The following RUBCNL variants were observed in gnomAD, a reference collection of about 807,000 sequenced individuals.
RUBCNL encodes the protein rubicon like autophagy enhancer.
RUBCNL carries 62 observed loss-of-function variants against 69.5 expected under a neutral mutation model. That is an observed-to-expected ratio of 0.89 (90% CI 0.73 to 1.10). The LOEUF is 1.10. RUBCNL is among the 50% of genes least tolerant of loss of function. The pLI, the probability that RUBCNL is intolerant of heterozygous loss-of-function variation, is 0.00. For missense variants in RUBCNL, 768 were observed against 798.1 expected (o/e 0.96, Z 0.45); for synonymous variants, 291 against 303.6 (o/e 0.96, Z 0.43).
At chr13:46,363,037 T>C (rs949401269) in intron 6 of RUBCNL, 78 bp downstream of exon 6, 4 of 633,280 alleles carry the variant, frequency 6.3e-6, no homozygotes, top group Non-Finnish European at 1.0e-5. Context: ...TAATGTTGTG[T>C]GTGATGCATG....
At position 46,355,702 on chromosome 13, in the gene RUBCNL, C is replaced by G. The variant is rs556528308; in HGVS notation, c.1330+730G>C. 2.0e-5 allele frequency among the ~76,000 whole-genome samples: 3 copies of G among 152,286 alleles called. No individual in the cohort carries two copies. In the South Asian group the frequency reaches 6.2e-4, roughly 32 times the overall value. ...TTGGCTAGCTCCTTGTTAAGCCATTCCTTTACTCAACAAATATCTTTTGAA... is the reference window on the plus strand; with the variant it reads ...TTGGCTAGCTCCTTGTTAAGCCATTGCTTTACTCAACAAATATCTTTTGAA... On this transcript the variant is annotated intron_variant, in intron 10 of 14. Coordinates refer to ENST00000429979, the MANE Select transcript of RUBCNL (RefSeq NM_025113.5).
intron 1 of RUBCNL, among the ~76,000 whole-genome samples, chr13:46,384,052 C>T (rs2049180364): frequency 6.6e-6 from 1 of 152,198 alleles, no homozygotes; most frequent in South Asian, 2.1e-4. Flanking sequence ...ATGACATTGA[C>T]ATGTCTACCT....
chr13:46,372,048 T>C lies in RUBCNL; in HGVS notation c.428A>G (p.His143Arg), dbSNP rs1317843342. 2 of 1,612,626 alleles carry C rather than the reference T, an allele frequency of 1.2e-6. No individual in the cohort carries two copies. Among genetic ancestry groups the C allele is most frequent in the Non-Finnish European group, 1.7e-6 (2 of 1,178,852 alleles). The change falls in exon 3 of 15, where the codon CAT (histidine) becomes CGT (arginine). Residue 143 changes from histidine (H) to arginine (R), a missense_variant. His to Arg is a conservative substitution (Grantham distance 29). Coordinates refer to ENST00000429979, the MANE Select transcript of RUBCNL (RefSeq NM_025113.5). ...EVHMVRPGYS[H>R]RVSLPTSPGI... Reference sequence around the variant, plus strand: ...AGGGCTTGTGGGCAGAGACACCCGATGAGAGTATCCTGGGCGGACCATGTG... The same window carrying C: ...AGGGCTTGTGGGCAGAGACACCCGACGAGAGTATCCTGGGCGGACCATGTG...
rs918827639 is a variant in RUBCNL, at chr13:46,335,819, C to T, written c.*7566G>A. On this transcript the variant is annotated 3_prime_UTR_variant, in exon 15 of 15. Coordinates refer to ENST00000429979, the MANE Select transcript of RUBCNL (RefSeq NM_025113.5). The stretch of plus-strand genomic sequence containing the variant: ...ACTGGGTCTATGGTGGTGCCATTTT[C>T]TGAGATGGAAAAGCCTGTAAAGAAA... Among the ~76,000 whole-genome samples, 1 of 152,180 alleles carries T rather than the reference C, an allele frequency of 6.6e-6. No homozygotes were observed. The highest frequency in any genetic ancestry group is 1.5e-5 in the Non-Finnish European group (1 of 68,030).
chr13:46,350,305 G>T lies in RUBCNL; in HGVS notation c.1377C>A (p.Phe459Leu). The T allele has an allele frequency of 6.4e-7, 1 of 1,573,158 alleles. No individual in the cohort carries two copies. The highest frequency in any genetic ancestry group is 8.6e-7 in the Non-Finnish European group (1 of 1,158,104). Residue 459 changes from phenylalanine (F) to leucine (L), a missense_variant, in exon 11 of 15, where the codon TTC (phenylalanine) becomes TTA (leucine). Phe to Leu is a conservative substitution (Grantham distance 22, BLOSUM62 0). Coordinates refer to ENST00000429979, the MANE Select transcript of RUBCNL (RefSeq NM_025113.5). ...LRYCEYLGKY[F>L]CDCCHSYAES... ...CTGCATATGAGTGGCAGCAGTCACA[G>T]AAATACTTCCCTAGGTATTCGCAGT...
At chr13:46,385,761 A>G (rs965180198) in intron 1 of RUBCNL, among the ~76,000 whole-genome samples, 4 of 152,154 alleles carry the variant, frequency 2.6e-5, no homozygotes, top group African/African-American at 7.2e-5. Context: ...AACTCAGCCA[A>G]CAATGTTTTT....
intron 2 of RUBCNL, among the ~76,000 whole-genome samples, chr13:46,377,051 CTT>C (rs2138827401): frequency 6.6e-6 from 1 of 152,238 alleles, no homozygotes; most frequent in East Asian, 1.9e-4. Flanking sequence ...GTTCCTTTCT[CTT>C]ACTAGTTCCA....
chr13:46,387,331 T>C (rs980887139), upstream of RUBCNL: 17 of 985,414 alleles, frequency 1.7e-5, no homozygotes, highest in East Asian at 1.7e-3. Context: ...GGGGCCACCG[T>C]AGCTCTCTAG....
chr13:46,367,329 C>T (rs969215093), intron 5 of RUBCNL, among the ~76,000 whole-genome samples: 2 of 152,120 alleles, frequency 1.3e-5, no homozygotes, highest in African/African-American at 2.4e-5. Context: ...CCTAGCACAG[C>T]ACAGGCCCAT....
intron 1 of RUBCNL, among the ~76,000 whole-genome samples, chr13:46,383,064 C>T (rs566121021): frequency 2.4e-4 from 37 of 152,240 alleles, no homozygotes; most frequent in African/African-American, 7.7e-4. Context: ...TGCCAGTGGG[C>T]AACATGGATG....
At chr13:46,369,901 T>C (rs2048840969) in intron 3 of RUBCNL, among the ~76,000 whole-genome samples, 1 of 152,244 alleles carries the variant, frequency 6.6e-6, no homozygotes, top group African/African-American at 2.4e-5. Flanking sequence ...TTTGGACTTC[T>C]TAGCTTCAGA....
At position 46,338,961 on chromosome 13, in the gene RUBCNL, C is replaced by A. The variant is rs1052374763; in HGVS notation, c.*4424G>T. On this transcript the variant is annotated 3_prime_UTR_variant, in exon 15 of 15. Transcript: ENST00000429979. ...ACTAGGGAAGCTGAGGCAGGAAAAT[C>A]GCTTGAACCGGGAAGCAGAGGCTGC... 6.6e-6 allele frequency among the ~76,000 whole-genome samples: 1 copy of A among 151,522 alleles called. No homozygotes were observed. Among genetic ancestry groups the A allele is most frequent in the South Asian group, 2.1e-4 (1 of 4,810 alleles).
In RUBCNL at chr13:46,340,002, G is replaced by C. The variant is rs1238988321; in HGVS notation, c.*3383C>G. Among the ~76,000 whole-genome samples the C allele has an allele frequency of 6.6e-6, 1 of 151,928 alleles. No homozygotes were observed. Among genetic ancestry groups the C allele is most frequent in the Admixed American group, 6.6e-5 (1 of 15,264 alleles). On this transcript the variant is annotated 3_prime_UTR_variant, in exon 15 of 15. Coordinates refer to ENST00000429979, the MANE Select transcript of RUBCNL (RefSeq NM_025113.5). ...GGCTCTGAGGAAGAATCTGCCCCCT[G>C]CCTCTCTCCGGCTTCTGGGGGCTGC...
intron 4 of RUBCNL, 28 bp from the exon 5 acceptor site, chr13:46,368,277 C>A (rs762102291): frequency 6.3e-7 from 1 of 1,586,128 alleles, no homozygotes; most frequent in East Asian, 2.3e-5. Context: ...AATTAAAATA[C>A]AAGCATAATC....
At chr13:46,367,045 T>TA (rs2048772595) in intron 5 of RUBCNL, among the ~76,000 whole-genome samples, 1 of 151,930 alleles carries the variant, frequency 6.6e-6, no homozygotes, top group Non-Finnish European at 1.5e-5. Flanking sequence ...AAATACAGAT[T>TA]AAAAAAAGAA....
Position 46,372,337 on chromosome 13 carries a change from T to C in RUBCNL, c.139A>G (p.Met47Val). 1 of 1,614,038 alleles carries C rather than the reference T, an allele frequency of 6.2e-7. No homozygotes were observed. Among genetic ancestry groups the C allele is most frequent in the Non-Finnish European group, 8.5e-7 (1 of 1,179,900 alleles). Residue 47 changes from methionine to valine, a missense_variant, in exon 3 of 15, where the codon ATG (methionine) becomes GTG (valine). Physicochemically the swap from Met to Val is conservative, Grantham distance 21. Coordinates refer to ENST00000429979, the MANE Select transcript of RUBCNL (RefSeq NM_025113.5). ...HPPCQLDIRL[M>V]RHKAVWINPQ... is the part of the protein sequence containing the mutation. ...TTAATCCAGACAGCTTTGTGCCTCATGAGCCTGATGTCTAATTGGCAAGGA... is the reference window on the plus strand; with the variant it reads ...TTAATCCAGACAGCTTTGTGCCTCACGAGCCTGATGTCTAATTGGCAAGGA...
Position 46,349,323 on chromosome 13 carries a change from T to A in RUBCNL, c.1594A>T (p.Ile532Phe), listed in dbSNP as rs1181696189. Residue 532 changes from isoleucine (I) to phenylalanine (F), a missense_variant, in exon 12 of 15, where the codon ATC (isoleucine) becomes TTC (phenylalanine). Ile to Phe is a conservative substitution (Grantham distance 21). Coordinates refer to ENST00000429979, the MANE Select transcript of RUBCNL (RefSeq NM_025113.5). ...VKEIQEQLFH[I>F]KKLLKTCRFA... is the part of the protein sequence containing the mutation. ...CTACAGGTCTTCAACAGCTTCTTGA[T>A]ATGGAAGAGCTGCTCCTGAATTTCC... is the stretch of plus-strand genomic sequence containing the variant. 6.2e-7 allele frequency: 1 copy of A among 1,613,752 alleles called. No homozygotes were observed. The highest frequency in any genetic ancestry group is 1.7e-5 in the Admixed American group (1 of 60,004).
At chr13:46,366,468 G>A (rs571238896) in intron 5 of RUBCNL, among the ~76,000 whole-genome samples, 2 of 152,188 alleles carry the variant, frequency 1.3e-5, no homozygotes, top group African/African-American at 2.4e-5. Context: ...CTGGAGCTTT[G>A]TCTACACTGG....
At chr13:46,353,365 T>C (rs2048412721) in intron 10 of RUBCNL, among the ~76,000 whole-genome samples, 1 of 152,212 alleles carries the variant, frequency 6.6e-6, no homozygotes, top group East Asian at 1.9e-4. Context: ...CATCTACTCC[T>C]CAACACACAC....
Sources: gnomAD v4.1 joint callset for allele counts (sites outside exome capture counted in the v4.1 genomes callset) on GRCh38, gnomAD v4.1.1 for gene constraint, MANE v1.5 for transcripts, NCBI Gene and HGNC (gene_info 2026-07-23, HGNC 2026-07-21) for gene names.